Variants in HAL observed in about 807,000 individuals in gnomAD.
HAL encodes histidase.
Under a neutral mutation model 81.1 loss-of-function variants are expected in HAL, and 85 were observed. The observed-to-expected ratio is 1.05, with a 90% CI of 0.88 to 1.25. HAL has a LOEUF of 1.25. Among genes scored for constraint, HAL ranks in the 50% most tolerant of loss-of-function variants. The probability of loss-of-function intolerance (pLI) is 0.00; values close to 1 mark genes in which losing one functional copy is unlikely to be tolerated. For synonymous variants in HAL, 301 were observed against 309.2 expected (o/e 0.97, Z 0.28); for missense variants, 798 against 836.6 (o/e 0.95, Z 0.57).
At chr12:95,985,000 A>ATG in intron 14 of HAL, among the ~76,000 whole-genome samples, 1 of 152,358 alleles carries the variant, frequency 6.6e-6, no homozygotes, top group Middle Eastern at 3.4e-3. Flanking sequence ...TAACTGTCAT[A>ATG]TGTAAATTAC....
rs369621967 is a variant in HAL at position 95,976,429 on chromosome 12, C to G, written c.1833G>C (p.Lys611Asn). Residue 611 changes from lysine to asparagine, a missense_variant and splice_region_variant, in exon 20 of 21, where the codon AAG becomes AAC. Lys to Asn is a moderately conservative substitution (Grantham distance 94). Coordinates refer to ENST00000261208, the MANE Select transcript of HAL (RefSeq NM_002108.4). ...EAAHRLLLEQ[K>N]VWEVAAPYIE... ...GAAACAAGCCAAGGAGCCAGCTTGC[C>G]TTCTGCTCCAGGAGCAGCCTGTGGG... is the stretch of plus-strand genomic sequence containing the variant. 6.8e-6 allele frequency: 11 copies of G among 1,612,174 alleles called. No individual in the cohort carries two copies. The highest frequency in any genetic ancestry group is 9.3e-6 in the Non-Finnish European group (11 of 1,178,300).
intron 4 of HAL, among the ~76,000 whole-genome samples, 156 bp downstream of exon 4, chr12:95,994,642 G>A (rs1029492300): frequency 2.6e-5 from 4 of 152,158 alleles, no homozygotes; most frequent in East Asian, 1.9e-4. Context: ...TGCCCACCTC[G>A]GCCACCCAAA....
rs1276810138 is a variant in HAL, at chr12:95,990,332, A to C, written c.855+61T>G. 2.9e-6 allele frequency: 4 copies of C among 1,379,346 alleles called. No homozygotes were observed. The East Asian group carries it at 9.2e-5, about 32-fold the overall frequency. 85.4% of individuals were successfully genotyped at this position (1,379,346 alleles called of 1,614,324 possible). A position where few individuals can be genotyped will look rare whatever the true frequency, so the allele number is the denominator to read the frequency against. On this transcript the variant is annotated intron_variant, in intron 10 of 20. Transcript: ENST00000261208. ...AAGGACTAGGTGATACGAAGCATGC[A>C]AGCACAGTTGGTGTCCAACCTGGGG...
At chr12:95,987,978 C>G (rs558244956) in intron 11 of HAL, among the ~76,000 whole-genome samples, 133 of 152,018 alleles carry the variant, frequency 8.7e-4, no homozygotes, top group Admixed American at 2.4e-3. Context: ...CCACCTGTCT[C>G]GGCTTCCCAA....
intron 4 of HAL, 119 bp downstream of exon 4, chr12:95,994,679 T>G (rs1950010977): frequency 9.7e-7 from 1 of 1,027,678 alleles, no homozygotes; most frequent in Non-Finnish European, 1.5e-6. Context: ...CATGAGTCAC[T>G]GCTCCCGGCC....
chr12:95,993,829 C>A lies in HAL; in HGVS notation c.494G>T (p.Gly165Val). 1 of 1,565,614 alleles carries A rather than the reference C, an allele frequency of 6.4e-7. No individual in the cohort carries two copies. Among genetic ancestry groups the A allele is most frequent in the South Asian group, 1.1e-5 (1 of 90,054 alleles). The part of the protein sequence containing the change: ...SIIKEKTVVY[G>V]ITTGFGKFAR... ...AAATTTCCCAAAACCTGTAGTAATA[C>A]CGTAAACAACTAGAATAAAAAGAGA... Residue 165 changes from glycine to valine, a missense_variant, in exon 7 of 21, where the codon GGT becomes GTT. Coordinates refer to ENST00000261208, the MANE Select transcript of HAL (RefSeq NM_002108.4).
At chr12:95,976,258 G>C in intron 20 of HAL, 171 bp downstream of exon 20, 2 of 698,128 alleles carry the variant, frequency 2.9e-6, no homozygotes, top group South Asian at 3.0e-5. Flanking sequence ...GGTGCACTTA[G>C]TGTTTATTAT....
intron 18 of HAL, among the ~76,000 whole-genome samples, chr12:95,977,619 G>C (rs1245042646): frequency 2.9e-5 from 4 of 140,130 alleles, no homozygotes; most frequent in Non-Finnish European, 6.0e-5. Context: ...CTCCAGCCTG[G>C]GTGGCAGATA....
At chr12:95,996,026 C>T in intron 1 of HAL, 35 bp from the exon 2 acceptor site, 2 of 955,152 alleles carry the variant, frequency 2.1e-6, no homozygotes, top group Non-Finnish European at 3.2e-6. Context: ...AAACCACTCC[C>T]CCTCCTTCAC....
rs764059132 is a variant in HAL, at chr12:95,976,396, A to C, written c.1833+33T>G. 3.8e-6 allele frequency: 6 copies of C among 1,567,554 alleles called. No homozygotes were observed. The Middle Eastern group carries it at 5.0e-4, about 132-fold the overall frequency. ...CGACTTTGCTTTCCTGTAACAATTA[A>C]AAATTAAGAAACAAGCCAAGGAGCC... On this transcript the variant is annotated intron_variant, in intron 20 of 20. Transcript: ENST00000261208.
intron 14 of HAL, 26 bp downstream of exon 14, chr12:95,985,882 G>GA: frequency 6.6e-7 from 1 of 1,515,778 alleles, no homozygotes; most frequent in African/African-American, 1.4e-5. Context: ...ATTTTTTATT[G>GA]ACCTTTTTTT....
chr12:95,994,641 C>T (rs1950010449), intron 4 of HAL, among the ~76,000 whole-genome samples, 157 bp downstream of exon 4: 1 of 152,182 alleles, frequency 6.6e-6, no homozygotes, highest in South Asian at 2.1e-4. Context: ...CTGCCCACCT[C>T]GGCCACCCAA....
intron 14 of HAL, among the ~76,000 whole-genome samples, chr12:95,984,299 G>A (rs1949849953): frequency 6.6e-6 from 1 of 152,226 alleles, no homozygotes; most frequent in Admixed American, 6.5e-5. Context: ...TCCCAGGTTA[G>A]TGGTAGGACT....
chr12:95,974,276 G>C lies in HAL; in HGVS notation c.1930C>G (p.Leu644Val). The change falls in exon 21 of 21, where the codon CTG becomes GTG. Residue 644 changes from leucine to valine, a missense_variant. Physicochemically the swap from Leu to Val is conservative, Grantham distance 32. Coordinates refer to ENST00000261208, the MANE Select transcript of HAL (RefSeq NM_002108.4). ...LSPTAFSLQF[L>V]HKKSTKIPES... ...GGGATTTTGGTGGATTTCTTGTGCAGAAATTGCAGTGAAAAGGCTGTTGGA... is the reference window on the plus strand; with the variant it reads ...GGGATTTTGGTGGATTTCTTGTGCACAAATTGCAGTGAAAAGGCTGTTGGA... 2.5e-6 allele frequency: 4 copies of C among 1,613,980 alleles called. No individual in the cohort carries two copies. The highest frequency in any genetic ancestry group is 3.4e-6 in the Non-Finnish European group (4 of 1,179,838).
chr12:95,994,889 G>A (rs747579656), intron 3 of HAL, 44 bp downstream of exon 3: 2 of 1,607,610 alleles, frequency 1.2e-6, no homozygotes, highest in African/African-American at 2.7e-5. Context: ...CCATCTGCAG[G>A]AGCCACCCCC....
intron 17 of HAL, among the ~76,000 whole-genome samples, chr12:95,979,035 G>A (rs1009312746): frequency 1.3e-5 from 2 of 152,182 alleles, no homozygotes; most frequent in African/African-American, 2.4e-5. Flanking sequence ...ATACAGATAA[G>A]TAAACTGTGG....
chr12:95,994,602 C>G (rs1357156268), intron 4 of HAL, among the ~76,000 whole-genome samples, 196 bp downstream of exon 4: 1 of 152,186 alleles, frequency 6.6e-6, no homozygotes, highest in Non-Finnish European at 1.5e-5. Flanking sequence ...GTTGGCCAGG[C>G]TGGTTTCAAA....
chr12:95,978,829 TCTC>T (rs2080757600), intron 17 of HAL, among the ~76,000 whole-genome samples: 1 of 152,166 alleles, frequency 6.6e-6, no homozygotes, highest in South Asian at 2.1e-4. Context: ...CAAAGTCTCT[TCTC>T]CTCTTTCTCT....
intron 17 of HAL, among the ~76,000 whole-genome samples, chr12:95,979,297 G>A (rs554915264): frequency 5.3e-5 from 8 of 152,276 alleles, no homozygotes; most frequent in African/African-American, 9.6e-5. Flanking sequence ...AGAAGATACC[G>A]GTCAGAGGAG....
Sources: allele counts gnomAD v4.1 joint callset (sites outside exome capture counted in the v4.1 genomes callset), GRCh38; gene constraint gnomAD v4.1.1; transcripts MANE v1.5; gene names NCBI Gene and HGNC (gene_info 2026-07-23, HGNC 2026-07-21).